Variants in GFOD2 observed in about 807,000 individuals in gnomAD.
GFOD2 encodes the protein glucose-fructose oxidoreductase domain-containing protein 2.
A neutral mutation model predicts 24.6 loss-of-function variants in GFOD2; 9 were observed. The observed-to-expected ratio is 0.37, with a 90% CI of 0.22 to 0.64. GFOD2 has a LOEUF of 0.64. Among genes scored for constraint, GFOD2 ranks in the 30% least tolerant of loss-of-function variants. The pLI is 0.65. For synonymous variants in GFOD2, 211 were observed against 224.8 expected (o/e 0.94, Z 0.55); for missense variants, 476 against 532.5 (o/e 0.89, Z 1.04).
chr16:67,713,012 AGCTGGGACTACAGGCAT>A (rs1395545171), intron 1 of GFOD2, among the ~76,000 whole-genome samples: 1 of 137,468 alleles, frequency 7.3e-6, no homozygotes, highest in East Asian at 2.0e-4. Flanking sequence ...CCTCCTGAGT[AGCTGGGACTACAGGCAT>A]GCACCACCAC....
chr16:67,695,068 C>T (rs2053348594), intron 1 of GFOD2, among the ~76,000 whole-genome samples: 1 of 149,006 alleles, frequency 6.7e-6, no homozygotes, highest in Admixed American at 6.8e-5. Context: ...TCTCGGCTCA[C>T]TGCAACCTTT....
chr16:67,693,679 C>CAGTG (rs1248006634), intron 1 of GFOD2, among the ~76,000 whole-genome samples: 1 of 152,184 alleles, frequency 6.6e-6, no homozygotes, highest in Non-Finnish European at 1.5e-5. Flanking sequence ...GTGCAACCAT[C>CAGTG]ACCAACATCC....
At chr16:67,680,096 A>G (rs1399420698) in intron 2 of GFOD2, among the ~76,000 whole-genome samples, 1 of 152,214 alleles carries the variant, frequency 6.6e-6, no homozygotes, top group Admixed American at 6.5e-5. Context: ...GGGTCTTGCT[A>G]CATTGCCCAG....
At position 67,698,811 on chromosome 16, in the gene GFOD2, G is replaced by A. The variant is rs1050197519; in HGVS notation, c.-87-13009C>T. ...TTTTTCTTTAATTTGGCAGAAAGAC[G>A]TAGGTAGGATAGAGTTTAGGAGACA... On this transcript the variant is annotated intron_variant, in intron 1 of 2. Transcript: ENST00000268797. 5.9e-5 allele frequency among the ~76,000 whole-genome samples: 9 copies of A among 152,228 alleles called. No individual in the cohort carries two copies. In the South Asian group the frequency reaches 8.3e-4, roughly 14 times the overall value.
chr16:67,678,417 G>A (rs866005298), intron 2 of GFOD2, among the ~76,000 whole-genome samples: 1 of 151,598 alleles, frequency 6.6e-6, no homozygotes, highest in African/African-American at 2.4e-5. Flanking sequence ...TGGAGGTTGC[G>A]GTGAGCCAAG....
At chr16:67,685,323 C>A in intron 2 of GFOD2, 134 bp downstream of exon 2, 1 of 1,492,490 alleles carries the variant, frequency 6.7e-7, no homozygotes, top group Non-Finnish European at 9.0e-7. Flanking sequence ...GCTTCAGGGA[C>A]AAGTGATGTC....
At chr16:67,680,183 A>G (rs2053214730) in intron 2 of GFOD2, among the ~76,000 whole-genome samples, 1 of 152,218 alleles carries the variant, frequency 6.6e-6, no homozygotes, top group Non-Finnish European at 1.5e-5. Context: ...GTCATGAGCC[A>G]CCATGCCCAA....
intron 2 of GFOD2, among the ~76,000 whole-genome samples, chr16:67,679,396 G>T (rs2053206794): frequency 6.6e-6 from 1 of 151,672 alleles, no homozygotes. Flanking sequence ...ACCATGCCCA[G>T]CTAAGTTTTT....
chr16:67,689,888 T>C (rs1018405371), intron 1 of GFOD2, among the ~76,000 whole-genome samples: 1 of 152,162 alleles, frequency 6.6e-6, no homozygotes, highest in Non-Finnish European at 1.5e-5. Flanking sequence ...TTTGTCTCTA[T>C]GAATTTGACT....
chr16:67,682,407 A>G (rs1463073574), intron 2 of GFOD2: 1 of 985,336 alleles, frequency 1.0e-6, no homozygotes, highest in East Asian at 1.1e-4. Context: ...CCTTTTAGTG[A>G]CAGACTTAAG....
chr16:67,694,665 T>C (rs764442198), intron 1 of GFOD2, among the ~76,000 whole-genome samples: 49 of 152,130 alleles, frequency 3.2e-4, no homozygotes, highest in Non-Finnish European at 6.6e-4. Context: ...GACACAAGTG[T>C]ACTGGACTAA....
At chr16:67,714,128 T>G (rs781048764) in intron 1 of GFOD2, among the ~76,000 whole-genome samples, 30 of 152,104 alleles carry the variant, frequency 2.0e-4, no homozygotes, top group Non-Finnish European at 4.0e-4. Context: ...CTTTTCATTC[T>G]CTAGTGTTAC....
At position 67,675,731 on chromosome 16, in the gene GFOD2, G is replaced by T; in HGVS notation, c.582C>A (p.Ala194=). 6.2e-7 allele frequency: 1 copy of T among 1,614,062 alleles called. No homozygotes were observed. Among genetic ancestry groups the T allele is most frequent in the African/African-American group, 1.3e-5 (1 of 75,060 alleles). ...DLLTHLTGRR[A]EKVHGLLKTF... Reference sequence around the variant, plus strand: ...TCTTGAGCAGCCCGTGCACCTTCTCGGCTCTCCGGCCGGTCAGGTGGGTCA... The same window carrying T: ...TCTTGAGCAGCCCGTGCACCTTCTCTGCTCTCCGGCCGGTCAGGTGGGTCA... Residue 194 remains alanine, a synonymous_variant, in exon 3 of 3, where the codon GCC becomes GCA. Transcript: ENST00000268797.
chr16:67,710,575 G>A (rs1044039206), intron 1 of GFOD2, among the ~76,000 whole-genome samples: 1 of 150,802 alleles, frequency 6.6e-6, no homozygotes, highest in Non-Finnish European at 1.5e-5. Context: ...TGTTAGCCAG[G>A]ATGGTCTCGA....
intron 1 of GFOD2, 40 bp from the exon 2 acceptor site, chr16:67,685,842 A>C: frequency 8.5e-7 from 1 of 1,180,448 alleles, no homozygotes; most frequent in Non-Finnish European, 1.2e-6. Context: ...ACTGGAGAGG[A>C]CACTCAGCTG....
At chr16:67,698,492 T>C (rs1050554125) in intron 1 of GFOD2, among the ~76,000 whole-genome samples, 9 of 152,200 alleles carry the variant, frequency 5.9e-5, no homozygotes, top group African/African-American at 2.2e-4. Context: ...CTTTTTCTTT[T>C]TCTTTGAGAT....
At chr16:67,681,922 A>G (rs1275075748) in intron 2 of GFOD2, 2 of 984,190 alleles carry the variant, frequency 2.0e-6, no homozygotes, top group South Asian at 4.7e-5. Context: ...GCTCCCACCT[A>G]TAATTCCAGC....
At chr16:67,698,921 C>T (rs2053378688) in intron 1 of GFOD2, among the ~76,000 whole-genome samples, 1 of 152,112 alleles carries the variant, frequency 6.6e-6, no homozygotes, top group South Asian at 2.1e-4. Context: ...ACAGTTATCA[C>T]TAGGATTTGG....
chr16:67,675,066 G>A lies in GFOD2; in HGVS notation c.*89C>T. 7.1e-7 allele frequency: 1 copy of A among 1,403,956 alleles called. No homozygotes were observed. The highest frequency in any genetic ancestry group is 9.7e-7 in the Non-Finnish European group (1 of 1,032,426). 87.0% of individuals were successfully genotyped at this position (1,403,956 alleles called of 1,614,324 possible). A position where few individuals can be genotyped will look rare whatever the true frequency, so the allele number is the denominator to read the frequency against. ...CCAGACTCATTAAATGAAAGACACT[G>A]TCTCTGCTAGGGCCAAGTCCCTGTC... On this transcript the variant is annotated 3_prime_UTR_variant, in exon 3 of 3. Transcript: ENST00000268797.
Sources: allele counts gnomAD v4.1 joint callset (sites outside exome capture counted in the v4.1 genomes callset), GRCh38; gene constraint gnomAD v4.1.1; transcripts MANE v1.5; gene names NCBI Gene and HGNC (gene_info 2026-07-23, HGNC 2026-07-21).